The following DGCR2 variants were observed in gnomAD, a reference collection of about 807,000 sequenced individuals.
DGCR2 encodes integral membrane protein DGCR2/IDD.
DGCR2 carries 24 observed loss-of-function variants against 51.6 expected under a neutral mutation model. The observed-to-expected ratio is 0.47, with a 90% CI of 0.34 to 0.65. DGCR2 has a LOEUF of 0.65. DGCR2 is among the 30% of genes least tolerant of loss of function. DGCR2 has a pLI of 0.01. For missense variants in DGCR2, 765 were observed against 772.1 expected (o/e 0.99, Z 0.11); for synonymous variants, 340 against 315.4 (o/e 1.08, Z -0.82).
chr22:19,114,444 G>T (rs2083352666), intron 1 of DGCR2, among the ~76,000 whole-genome samples: 1 of 152,252 alleles, frequency 6.6e-6, no homozygotes, highest in Admixed American at 6.5e-5. Flanking sequence ...ACTGTCAGGA[G>T]TGGCCAAGAA....
chr22:19,083,713 C>T (rs2082969411), intron 2 of DGCR2, among the ~76,000 whole-genome samples: 1 of 128,316 alleles, frequency 7.8e-6, no homozygotes, highest in South Asian at 3.2e-4. Context: ...CTCCCCCTCT[C>T]CCTCTCCCCA....
chr22:19,086,758 C>A (rs1432456652), intron 2 of DGCR2, among the ~76,000 whole-genome samples: 3 of 152,142 alleles, frequency 2.0e-5, no homozygotes, highest in African/African-American at 7.2e-5. Flanking sequence ...CTAGGGAAAA[C>A]ATATGGCAAC....
chr22:19,120,452 G>A (rs2146069228), intron 1 of DGCR2, among the ~76,000 whole-genome samples: 1 of 152,314 alleles, frequency 6.6e-6, no homozygotes, highest in African/African-American at 2.4e-5. Flanking sequence ...CTCCTAAAAG[G>A]AGGGGCTTGT....
Position 19,038,569 on chromosome 22 carries a change from G to C in DGCR2, c.*296C>G, listed in dbSNP as rs1371316918. ...GCCCACAGTACCTTCTTCATTCCCT[G>C]CCTCTAACATGTGCGGTCTGAATGA... On this transcript the variant is annotated 3_prime_UTR_variant, in exon 10 of 10. Transcript: ENST00000263196. The C allele has an allele frequency of 6.6e-6, 3 of 452,018 alleles. No individual in the cohort carries two copies. Among genetic ancestry groups the C allele is most frequent in the African/African-American group, 2.0e-5 (1 of 49,036 alleles). The allele number at this position is 452,018 out of a possible 1,614,324, so 28.0% of individuals were successfully genotyped here. A position where few individuals can be genotyped will look rare whatever the true frequency, so the allele number is the denominator to read the frequency against.
intron 1 of DGCR2, among the ~76,000 whole-genome samples, chr22:19,110,331 A>G (rs931615015): frequency 2.6e-5 from 4 of 152,166 alleles, no homozygotes; most frequent in African/African-American, 9.7e-5. Flanking sequence ...GGCTGCGGGG[A>G]AGTGTCAGCT....
chr22:19,103,047 A>T, intron 1 of DGCR2, among the ~76,000 whole-genome samples: 1 of 152,326 alleles, frequency 6.6e-6, no homozygotes, highest in Admixed American at 6.5e-5. Context: ...TGTTACATAT[A>T]TCTTACCACA....
At position 19,097,873 on chromosome 22, in the gene DGCR2, C is replaced by T. The variant is rs553800953; in HGVS notation, c.80-8383G>A. Among the ~76,000 whole-genome samples the T allele has an allele frequency of 2.0e-4, 31 of 152,082 alleles. 1 individual carries two copies. In the Middle Eastern group the frequency reaches 0.014, roughly 67 times the overall value. On this transcript the variant is annotated intron_variant, in intron 1 of 9. Transcript: ENST00000263196. ...GACAGTCACTTGAAGTTCTGTGCACCCTGAGGCAGAAAGAGGTAAGGGCTA... is the reference window on the plus strand; with the variant it reads ...GACAGTCACTTGAAGTTCTGTGCACTCTGAGGCAGAAAGAGGTAAGGGCTA...
At chr22:19,119,461 C>T (rs1056244087) in intron 1 of DGCR2, among the ~76,000 whole-genome samples, 1 of 152,136 alleles carries the variant, frequency 6.6e-6, no homozygotes, top group African/African-American at 2.4e-5. Context: ...AATTGCTGGG[C>T]ATGGTACCTC....
chr22:19,080,993 C>T (rs2082930087), intron 2 of DGCR2, among the ~76,000 whole-genome samples: 1 of 152,210 alleles, frequency 6.6e-6, no homozygotes, highest in African/African-American at 2.4e-5. Context: ...TCAGAGCCTT[C>T]AAGCGCTGAG....
At chr22:19,114,208 TAA>T (rs1183425775) in intron 1 of DGCR2, among the ~76,000 whole-genome samples, 1 of 147,400 alleles carries the variant, frequency 6.8e-6, no homozygotes, top group Non-Finnish European at 1.5e-5. Flanking sequence ...GATCTCAAAA[TAA>T]GTTAAATACA....
In DGCR2 at chr22:19,068,125, G is replaced by A. The variant is rs765256688; in HGVS notation, c.303C>T (p.Asn101=). 30 of 1,603,020 alleles carry A rather than the reference G, an allele frequency of 1.9e-5. No individual in the cohort carries two copies. Among genetic ancestry groups the A allele is most frequent in the East Asian group, 1.1e-4 (5 of 44,480 alleles). Residue 101 remains asparagine (N), a synonymous_variant, in exon 3 of 10, where the codon AAC becomes AAT. Coordinates refer to ENST00000263196, the MANE Select transcript of DGCR2 (RefSeq NM_005137.3). ...GGDPSHFHAV[N]VAQPVRFSSF... ...TGCTGAAGCGAACGGGCTGCGCCAC[G>A]TTCACCGCGTGGAAGTGCGAAGGGT... is the stretch of plus-strand genomic sequence containing the variant.
At position 19,037,625 on chromosome 22, in the gene DGCR2, G is replaced by C. The variant is rs920622363; in HGVS notation, c.*1240C>G. 6.6e-6 allele frequency: 1 copy of C among 152,170 alleles called. No individual in the cohort carries two copies. The highest frequency in any genetic ancestry group is 2.4e-5 in the African/African-American group (1 of 41,418). The allele number at this position is 152,170 out of a possible 1,614,324, so 9.4% of individuals were successfully genotyped here. A position where few individuals can be genotyped will look rare whatever the true frequency, so the allele number is the denominator to read the frequency against. Reference sequence around the variant, plus strand: ...ACACACAGAGACACAAACATACAAAGGAAAGATCCAGACATTCAACGTAGA... The same window carrying C: ...ACACACAGAGACACAAACATACAAACGAAAGATCCAGACATTCAACGTAGA... On this transcript the variant is annotated 3_prime_UTR_variant, in exon 10 of 10. Coordinates refer to ENST00000263196, the MANE Select transcript of DGCR2 (RefSeq NM_005137.3).
intron 1 of DGCR2, among the ~76,000 whole-genome samples, chr22:19,109,893 T>G (rs1249634409): frequency 6.6e-6 from 1 of 152,138 alleles, no homozygotes; most frequent in Non-Finnish European, 1.5e-5. Flanking sequence ...ATGAAGTAAC[T>G]CCTGCAAGAA....
intron 2 of DGCR2, among the ~76,000 whole-genome samples, chr22:19,086,632 C>G (rs916115764): frequency 5.9e-5 from 9 of 152,186 alleles, no homozygotes; most frequent in Non-Finnish European, 1.3e-4. Context: ...CTAGGCCCTA[C>G]CAAGCCTCAG....
At chr22:19,094,407 A>G (rs1427202604) in intron 1 of DGCR2, among the ~76,000 whole-genome samples, 1 of 152,160 alleles carries the variant, frequency 6.6e-6, no homozygotes, top group Non-Finnish European at 1.5e-5. Context: ...TCTGGGCGAC[A>G]GAATGAGACT....
In DGCR2 at chr22:19,039,101, C is replaced by G. The variant is rs781058404; in HGVS notation, c.1417G>C (p.Val473Leu). The G allele has an allele frequency of 6.2e-7, 1 of 1,613,128 alleles. No individual in the cohort carries two copies. Among genetic ancestry groups the G allele is most frequent in the African/African-American group, 1.3e-5 (1 of 75,056 alleles). Residue 473 changes from valine to leucine, a missense_variant, in exon 10 of 10, where the codon GTG (valine) becomes CTG (leucine). By Grantham distance (32) the Val-to-Leu change is conservative (BLOSUM62 1). Around this residue, in one of 3 missense-constraint regions of DGCR2, gnomAD observed 205 missense variants for 181.4 expected, o/e 1.13. Coordinates refer to ENST00000263196, the MANE Select transcript of DGCR2 (RefSeq NM_005137.3). ...DPADDDAFEPVEVSLPAPGDG... is the reference protein window; with the variant it reads ...DPADDDAFEPLEVSLPAPGDG... ...CCAGGGGCTGGCAGGCTGACCTCCA[C>G]AGGCTCAAAAGCATCATCGTCTGCA...
At chr22:19,053,754 G>A (rs1456494597) in intron 6 of DGCR2, among the ~76,000 whole-genome samples, 1 of 152,150 alleles carries the variant, frequency 6.6e-6, no homozygotes, top group Non-Finnish European at 1.5e-5. Context: ...CTTCCCCACA[G>A]GGAATTTAAA....
At position 19,038,874 on chromosome 22, in the gene DGCR2, A is replaced by G. The variant is rs1601493247; in HGVS notation, c.1644T>C (p.Thr548=). The change falls in exon 10 of 10, where the codon ACT becomes ACC. Residue 548 remains threonine, a synonymous_variant. Transcript: ENST00000263196. ...GTACAGGCCAGGCCGTCTACACCAC[A>G]GTATTGAGGGAGCTGCGGCTGTGGC... ...GGRHSRSSLN[T]VV 1 of 1,612,924 alleles carries G rather than the reference A, an allele frequency of 6.2e-7. No homozygotes were observed. Among genetic ancestry groups the G allele is most frequent in the South Asian group, 1.1e-5 (1 of 91,038 alleles).
chr22:19,111,723 G>A (rs533834585), intron 1 of DGCR2, among the ~76,000 whole-genome samples: 6 of 152,286 alleles, frequency 3.9e-5, no homozygotes, highest in South Asian at 2.1e-4. Flanking sequence ...CCAAGCTATC[G>A]GATGGAGAGG....
Sources: gnomAD v4.1 joint callset for allele counts (sites outside exome capture counted in the v4.1 genomes callset) on GRCh38, gnomAD v4.1.1 for gene constraint, gnomAD v4.1.1 regional missense constraint, MANE v1.5 for transcripts, NCBI Gene and HGNC (gene_info 2026-07-23, HGNC 2026-07-21) for gene names.